METAP1: variants seen among roughly 807,000 people sequenced by gnomAD.
The protein encoded by METAP1 is methionyl aminopeptidase 1.
METAP1 carries 28 observed loss-of-function variants against 53.8 expected under a neutral mutation model. That is an observed-to-expected ratio of 0.52 (90% CI 0.39 to 0.71). The LOEUF (loss-of-function observed/expected upper bound fraction) is 0.71, where lower values mean the gene tolerates loss of function less well. Among genes scored for constraint, METAP1 ranks in the 30% least tolerant of loss-of-function variants. The pLI is 0.00. For missense variants in METAP1, 389 were observed against 479.8 expected, an observed-to-expected ratio of 0.81 and a Z score of 1.77; for synonymous variants, 181 against 165.7, an observed-to-expected ratio of 1.09 and a Z score of -0.71.
intron 8 of METAP1, among the ~76,000 whole-genome samples, chr4:99,047,001 C>T (rs147229876): frequency 9.4e-5 from 14 of 148,192 alleles, no homozygotes; most frequent in Admixed American, 1.3e-4. Context: ...TTTTATATGA[C>T]GTATGACTGG....
chr4:99,036,262 A>G (rs1725412801), intron 4 of METAP1, among the ~76,000 whole-genome samples: 1 of 152,144 alleles, frequency 6.6e-6, no homozygotes, highest in Non-Finnish European at 1.5e-5. Context: ...ACTGTATTAC[A>G]TAACATTCTT....
chr4:99,023,227 T>C (rs1724277680), intron 1 of METAP1: 1 of 452,510 alleles, frequency 2.2e-6, no homozygotes, highest in Admixed American at 4.2e-5. Context: ...CTATTTTATA[T>C]TGATGTATAT....
chr4:99,031,513 A>G (rs1336676544), intron 2 of METAP1: 1 of 1,288,040 alleles, frequency 7.8e-7, no homozygotes, highest in Non-Finnish European at 1.0e-6. Context: ...TACAGAGAGA[A>G]GGTGTTATGT....
chr4:99,014,014 C>T (rs10002449), intron 1 of METAP1, among the ~76,000 whole-genome samples: 6,929 of 152,140 alleles, frequency 0.046, 191 homozygotes, highest in African/African-American at 0.087. Context: ...GCAACCTTTC[C>T]GAATAGGGTG....
At chr4:99,019,356 C>T (rs1479449192) in intron 1 of METAP1, among the ~76,000 whole-genome samples, 1 of 152,198 alleles carries the variant, frequency 6.6e-6, no homozygotes, top group Non-Finnish European at 1.5e-5. Context: ...ACGTATTCTT[C>T]CTCTCTGAAG....
At chr4:98,998,451 T>C (rs2110269195) in intron 1 of METAP1, among the ~76,000 whole-genome samples, 1 of 152,188 alleles carries the variant, frequency 6.6e-6, no homozygotes, top group Middle Eastern at 3.4e-3. Flanking sequence ...TGAACCTGGG[T>C]GGTGGAGGTT....
intron 9 of METAP1, among the ~76,000 whole-genome samples, chr4:99,049,891 A>G (rs1408438122): frequency 1.3e-5 from 2 of 152,250 alleles, no homozygotes; most frequent in Non-Finnish European, 2.9e-5. Context: ...AATATGCATT[A>G]TCTCATTTGA....
At chr4:99,045,899 A>G (rs1726196496) in intron 8 of METAP1, among the ~76,000 whole-genome samples, 1 of 152,242 alleles carries the variant, frequency 6.6e-6, no homozygotes, top group Non-Finnish European at 1.5e-5. Context: ...ATATACCTAC[A>G]GACATAGATT....
chr4:99,055,565 C>T (rs1727052186), intron 9 of METAP1, among the ~76,000 whole-genome samples: 1 of 152,128 alleles, frequency 6.6e-6, no homozygotes, highest in Non-Finnish European at 1.5e-5. Flanking sequence ...TATAGTCACT[C>T]AGATAATGTG....
chr4:99,045,288 C>T lies in METAP1; in HGVS notation c.765C>T (p.Cys255=). ...AACTTGTTCAGACCACATATGAGTG[C>T]CTGATGCAAGCCATTGATGCAGGTC... ...ARKLVQTTYE[C]LMQAIDAVKP... The change falls in exon 8 of 11, where the codon TGC becomes TGT. Residue 255 remains cysteine (C), a synonymous_variant. Coordinates refer to ENST00000296411, the MANE Select transcript of METAP1 (RefSeq NM_015143.3). 1.2e-6 allele frequency: 2 copies of T among 1,613,702 alleles called. No homozygotes were observed. The highest frequency in any genetic ancestry group is 1.7e-6 in the Non-Finnish European group (2 of 1,179,746).
chr4:99,027,554 C>A (rs947224348), intron 1 of METAP1, among the ~76,000 whole-genome samples: 2 of 150,284 alleles, frequency 1.3e-5, no homozygotes, highest in East Asian at 2.0e-4. Context: ...ACCCCCCCCC[C>A]GCCTTTGTCA....
chr4:99,008,891 A>G (rs1051130281), intron 1 of METAP1, among the ~76,000 whole-genome samples: 1 of 152,212 alleles, frequency 6.6e-6, no homozygotes, highest in African/African-American at 2.4e-5. Flanking sequence ...AAAATTTGTT[A>G]TAAAAAACAT....
chr4:99,010,649 A>G (rs1253434020), intron 1 of METAP1, among the ~76,000 whole-genome samples: 1 of 152,140 alleles, frequency 6.6e-6, no homozygotes, highest in Non-Finnish European at 1.5e-5. Context: ...TGTTTTGGCT[A>G]TTTGGGTCCC....
chr4:99,032,196 T>C (rs899311177), intron 2 of METAP1, among the ~76,000 whole-genome samples: 3 of 151,978 alleles, frequency 2.0e-5, no homozygotes, highest in Non-Finnish European at 2.9e-5. Flanking sequence ...ATATTATTTG[T>C]TTGCTTTACA....
chr4:99,004,339 C>T (rs752347006), intron 1 of METAP1, among the ~76,000 whole-genome samples: 7 of 151,940 alleles, frequency 4.6e-5, no homozygotes, highest in Non-Finnish European at 5.9e-5. Flanking sequence ...AGGAAGAGAG[C>T]AGGAGAAGGT....
intron 1 of METAP1, among the ~76,000 whole-genome samples, chr4:99,011,591 G>A (rs1723469750): frequency 3.3e-5 from 5 of 152,158 alleles, no homozygotes; most frequent in Admixed American, 3.3e-4. Flanking sequence ...TATTTATAAG[G>A]GATACTGGTC....
intron 6 of METAP1, 127 bp downstream of exon 6, chr4:99,041,253 T>A: frequency 2.0e-6 from 1 of 502,998 alleles, no homozygotes. Context: ...GAAAGCAAAT[T>A]TTTGCTTTGT....
chr4:99,048,811 G>A lies in METAP1; in HGVS notation c.866G>A (p.Arg289Gln), dbSNP rs1372311925. The change falls in exon 9 of 11, where the codon CGA (arginine) becomes CAA (glutamine). Residue 289 changes from arginine (R) to glutamine (Q), a missense_variant. Coordinates refer to ENST00000296411, the MANE Select transcript of METAP1 (RefSeq NM_015143.3). ...HAQANGFSVV[R>Q]SYCGHGIHKL... is the part of the protein sequence containing the mutation. ...CAAGCAAATGGGTTTTCAGTTGTTC[G>A]AAGCTATTGTGGGCATGGAATCCAC... The A allele has an allele frequency of 2.5e-6, 4 of 1,613,954 alleles. No individual in the cohort carries two copies. The highest frequency in any genetic ancestry group is 1.3e-5 in the African/African-American group (1 of 75,026).
intron 1 of METAP1, among the ~76,000 whole-genome samples, chr4:99,014,822 A>T (rs1254023839): frequency 6.6e-6 from 1 of 152,162 alleles, no homozygotes; most frequent in African/African-American, 2.4e-5. Flanking sequence ...TGGAGGCCTC[A>T]TGGGTTAGCT....
Sources: gnomAD v4.1 joint callset for allele counts (sites outside exome capture counted in the v4.1 genomes callset) on GRCh38, gnomAD v4.1.1 for gene constraint, MANE v1.5 for transcripts, NCBI Gene and HGNC (gene_info 2026-07-23, HGNC 2026-07-21) for gene names.